Variants in TAF11 observed in about 807,000 individuals in gnomAD.
TAF11 encodes TATA-box binding protein associated factor 11.
In TAF11, 10 loss-of-function variants were observed where a neutral mutation model predicts 23.0. That is an observed-to-expected ratio of 0.43 (90% CI 0.27 to 0.74). TAF11 has a LOEUF of 0.74. TAF11 is among the 30% of genes least tolerant of loss of function. The probability of loss-of-function intolerance (pLI) is 0.19; values close to 1 mark genes in which losing one functional copy is unlikely to be tolerated. For missense variants in TAF11, 196 were observed against 261.7 expected, an observed-to-expected ratio of 0.75 and a Z score of 1.73; for synonymous variants, 85 against 95.8, an observed-to-expected ratio of 0.89 and a Z score of 0.66.
At chr6:34,882,760 C>A (rs977429110) in intron 2 of TAF11, among the ~76,000 whole-genome samples, 172 bp downstream of exon 2, 2 of 152,170 alleles carry the variant, frequency 1.3e-5, no homozygotes, top group Non-Finnish European at 2.9e-5. Context: ...CCACCTTGGC[C>A]TTCTAAAGTG....
Position 34,879,958 on chromosome 6 carries a change from A to G in TAF11, c.505+9T>C, listed in dbSNP as rs760405362. On this transcript the variant is annotated intron_variant, in intron 4 of 4. Coordinates refer to ENST00000361288, the MANE Select transcript of TAF11 (RefSeq NM_005643.4). ...GTACAATCCAGTATTTGTAACCAAC[A>G]CTACTCACCTTCTTCTACCACCTCC... is the stretch of plus-strand genomic sequence containing the variant. 1.2e-5 allele frequency: 19 copies of G among 1,612,208 alleles called. No individual in the cohort carries two copies. Among genetic ancestry groups the G allele is most frequent in the Non-Finnish European group, 1.4e-5 (17 of 1,178,584 alleles).
chr6:34,887,676 T>C lies in TAF11; in HGVS notation c.171+111A>G, dbSNP rs974759345. On this transcript the variant is annotated intron_variant, in intron 1 of 4. Transcript: ENST00000361288. The stretch of plus-strand genomic sequence containing the variant: ...AAGATTAACGATCTGGAGGGAATTC[T>C]GGTGAGTTCGAGTTCTCGTAACTTG... The C allele has an allele frequency of 3.0e-6, 4 of 1,314,990 alleles. No homozygotes were observed. The East Asian group carries it at 9.3e-5, about 30-fold the overall frequency. 81.5% of individuals were successfully genotyped at this position (1,314,990 alleles called of 1,614,324 possible). A position where few individuals can be genotyped will look rare whatever the true frequency, so the allele number is the denominator to read the frequency against.
At chr6:34,885,571 G>C (rs1016222574) in intron 1 of TAF11, among the ~76,000 whole-genome samples, 1 of 152,098 alleles carries the variant, frequency 6.6e-6, no homozygotes, top group Admixed American at 6.5e-5. Context: ...AAGTGTTTCA[G>C]AAACAACATA....
At chr6:34,882,802 G>T in intron 2 of TAF11, 130 bp downstream of exon 2, 1 of 1,153,962 alleles carries the variant, frequency 8.7e-7, no homozygotes, top group Non-Finnish European at 1.2e-6. Flanking sequence ...ACCATGCCCA[G>T]CCATAATGTA....
chr6:34,882,324 G>A (rs964999407), intron 2 of TAF11, among the ~76,000 whole-genome samples: 10 of 142,832 alleles, frequency 7.0e-5, no homozygotes, highest in African/African-American at 2.6e-4. Flanking sequence ...AGCAACGAGA[G>A]CGAAACTCTG....
At position 34,887,798 on chromosome 6, in the gene TAF11, C is replaced by T. The variant is rs890962882; in HGVS notation, c.160G>A (p.Glu54Lys). 1 of 1,614,122 alleles carries T rather than the reference C, an allele frequency of 6.2e-7. No individual in the cohort carries two copies. Among genetic ancestry groups the T allele is most frequent in the African/African-American group, 1.3e-5 (1 of 74,944 alleles). The change falls in exon 1 of 5, where the codon GAG (glutamate) becomes AAG (lysine). Residue 54 changes from glutamate (E) to lysine (K), a missense_variant. Physicochemically the swap from Glu to Lys is moderately conservative, Grantham distance 56. Transcript: ENST00000361288. The part of the protein sequence containing the change: ...ADVDLKEAAA[E>K]EGELESQDVS... ...ACATCTCTTCCTACCTCGCCTTCCT[C>T]CGCTGCAGCTTCTTTCAAGTCCACA...
chr6:34,881,423 A>G (rs559400978), intron 2 of TAF11, among the ~76,000 whole-genome samples: 6 of 152,218 alleles, frequency 3.9e-5, no homozygotes, highest in South Asian at 2.1e-4. Flanking sequence ...ATTTTTTTCT[A>G]TTTTTCTGTA....
Position 34,887,933 on chromosome 6 carries a change from A to G in TAF11, c.25T>C (p.Ser9Pro). The G allele has an allele frequency of 6.2e-7, 1 of 1,614,026 alleles. No individual in the cohort carries two copies. The change falls in exon 1 of 5, where the codon TCC (serine) becomes CCC (proline). Residue 9 changes from serine (S) to proline (P), a missense_variant. By Grantham distance (74) the Ser-to-Pro change is moderately conservative. Coordinates refer to ENST00000361288, the MANE Select transcript of TAF11 (RefSeq NM_005643.4). MDDAHESP[S>P]DKGGETGESD... The stretch of plus-strand genomic sequence containing the variant: ...TCCCCTGTCTCTCCACCTTTGTCGG[A>G]GGGCGACTCGTGGGCATCGTCCATC...
intron 1 of TAF11, among the ~76,000 whole-genome samples, chr6:34,883,657 T>C (rs1766484188): frequency 6.6e-6 from 1 of 152,244 alleles, no homozygotes; most frequent in Admixed American, 6.5e-5. Flanking sequence ...TTTTTGAAGA[T>C]AGGTTTGTCT....
chr6:34,887,981 G>C lies in TAF11; in HGVS notation c.-24C>G, dbSNP rs1343560582. ...ATCACGGATAGGATTGGAGGGGAGA[G>C]GAGATCGCGGAGATGCCTGAGGCAG... On this transcript the variant is annotated 5_prime_UTR_variant, in exon 1 of 5. Coordinates refer to ENST00000361288, the MANE Select transcript of TAF11 (RefSeq NM_005643.4). The C allele has an allele frequency of 1.9e-6, 3 of 1,612,752 alleles. No homozygotes were observed. Among genetic ancestry groups the C allele is most frequent in the South Asian group, 1.1e-5 (1 of 91,064 alleles).
rs1389904583 is a variant in TAF11 at position 34,878,704 on chromosome 6, C to T, written c.522G>A (p.Glu174=). 6.2e-7 allele frequency: 1 copy of T among 1,614,098 alleles called. No homozygotes were observed. The highest frequency in any genetic ancestry group is 8.5e-7 in the Non-Finnish European group (1 of 1,179,972). ...GTAGTGGTGGCATTTCTCCCCACTTCTCACACACATCCAGTGCTAAACAGA... is the reference window on the plus strand; with the variant it reads ...GTAGTGGTGGCATTTCTCCCCACTTTTCACACACATCCAGTGCTAAACAGA... ...EVVEEALDVC[E]KWGEMPPLQP... is the part of the protein sequence containing the mutation. The change falls in exon 5 of 5, where the codon GAG becomes GAA. Residue 174 remains glutamate, a synonymous_variant. Coordinates refer to ENST00000361288, the MANE Select transcript of TAF11 (RefSeq NM_005643.4).
At position 34,880,060 on chromosome 6, in the gene TAF11, T is replaced by C; in HGVS notation, c.412A>G (p.Ile138Val). 6.2e-7 allele frequency: 1 copy of C among 1,613,992 alleles called. No homozygotes were observed. ...AFPKAAIKRL[I>V]QSITGTSVSQ... is the part of the protein sequence containing the mutation. Reference sequence around the variant, plus strand: ...ACAGAGGTGCCAGTGATGGACTGGATCAGCTTGAAAGAAGCACAAAGACTC... The same window carrying C: ...ACAGAGGTGCCAGTGATGGACTGGACCAGCTTGAAAGAAGCACAAAGACTC... Residue 138 changes from isoleucine to valine, a missense_variant, in exon 4 of 5, where the codon ATC (isoleucine) becomes GTC (valine). Coordinates refer to ENST00000361288, the MANE Select transcript of TAF11 (RefSeq NM_005643.4). The surrounding 1 kb of genome is among the most constrained non-coding windows in gnomAD (Gnocchi z 4.8).
intron 1 of TAF11, among the ~76,000 whole-genome samples, chr6:34,885,195 G>C (rs1766507529): frequency 6.6e-6 from 1 of 151,978 alleles, no homozygotes; most frequent in African/African-American, 2.4e-5. Context: ...AGCCTGCCAG[G>C]TAGCTAGATC....
chr6:34,887,753 A>G, intron 1 of TAF11, 34 bp downstream of exon 1: 1 of 1,609,554 alleles, frequency 6.2e-7, no homozygotes, highest in Non-Finnish European at 8.5e-7. Flanking sequence ...ATCTCTGGGT[A>G]TTCCTTCAGC....
chr6:34,887,307 T>C (rs754701159), intron 1 of TAF11, among the ~76,000 whole-genome samples: 1 of 152,094 alleles, frequency 6.6e-6, no homozygotes, highest in African/African-American at 2.4e-5. Flanking sequence ...TCGTGTTCGA[T>C]ATAAAAGTCT....
At position 34,887,750 on chromosome 6, in the gene TAF11, G is replaced by T; in HGVS notation, c.171+37C>A. On this transcript the variant is annotated intron_variant, in intron 1 of 4. Coordinates refer to ENST00000361288, the MANE Select transcript of TAF11 (RefSeq NM_005643.4). ...CGAGCAGCCAGTAACACAATCTCTG[G>T]GTATTCCTTCAGCCTCATCAGTACA... is the stretch of plus-strand genomic sequence containing the variant. The T allele has an allele frequency of 4.3e-6, 7 of 1,612,536 alleles. No homozygotes were observed. The African/African-American group carries it at 6.7e-5, about 15-fold the overall frequency.
In TAF11 at chr6:34,878,518, G is replaced by GCAGA. The variant is rs1362205198; in HGVS notation, c.*68_*71dup. On this transcript the variant is annotated 3_prime_UTR_variant, in exon 5 of 5. Transcript: ENST00000361288. ...AGGCCTGAGATACTAAAGCACCAAT[G>GCAGA]CAGACAGTCTTATAGGAAGTCTGGA... 1 of 835,734 alleles carries GCAGA rather than the reference G, an allele frequency of 1.2e-6. No individual in the cohort carries two copies. The highest frequency in any genetic ancestry group is 2.1e-6 in the Non-Finnish European group (1 of 478,578). 51.8% of individuals were successfully genotyped at this position (835,734 alleles called of 1,614,324 possible).
intron 2 of TAF11, among the ~76,000 whole-genome samples, chr6:34,882,016 AT>A (rs1261588880): frequency 4.0e-5 from 6 of 149,590 alleles, no homozygotes; most frequent in Non-Finnish European, 7.4e-5. Context: ...ATCTATTTAT[AT>A]TTTCTATGCT....
chr6:34,879,841 C>A (rs777293810), intron 4 of TAF11, 126 bp downstream of exon 4: 4 of 1,458,858 alleles, frequency 2.7e-6, no homozygotes, highest in Non-Finnish European at 3.6e-6. Context: ...AAGGGCTCCC[C>A]ACTTGGTCAA....
Sources: gnomAD v4.1 joint callset for allele counts (sites outside exome capture counted in the v4.1 genomes callset) on GRCh38, gnomAD v4.1.1 for gene constraint, Gnocchi (gnomAD v3.1) non-coding constraint, MANE v1.5 for transcripts, NCBI Gene and HGNC (gene_info 2026-07-23, HGNC 2026-07-21) for gene names.